IL21R: variants seen among roughly 807,000 people sequenced by gnomAD.
The protein encoded by IL21R is interleukin-21 receptor.
IL21R carries 14 observed loss-of-function variants against 41.3 expected under a neutral mutation model. The observed-to-expected ratio is 0.34, with a 90% CI of 0.22 to 0.53. The LOEUF is 0.53. IL21R is among the 20% of genes least tolerant of loss of function. The probability of loss-of-function intolerance (pLI) is 0.94; values close to 1 mark genes in which losing one functional copy is unlikely to be tolerated. For missense variants in IL21R, 588 were observed against 681.6 expected (o/e 0.86, Z 1.53); for synonymous variants, 286 against 287.6 (o/e 0.99, Z 0.05).
At chr16:27,406,271 C>T (rs2141254893) in intron 1 of IL21R, among the ~76,000 whole-genome samples, 1 of 152,336 alleles carries the variant, frequency 6.6e-6, no homozygotes, top group East Asian at 1.9e-4. Flanking sequence ...AGCGGCCCCT[C>T]CTGGGCTGGA....
intron 1 of IL21R, among the ~76,000 whole-genome samples, chr16:27,420,642 A>G (rs1256344145): frequency 6.6e-6 from 1 of 152,162 alleles, no homozygotes; most frequent in Non-Finnish European, 1.5e-5. Flanking sequence ...TGCCCATTTT[A>G]AATTTTAATT....
intron 4 of IL21R, among the ~76,000 whole-genome samples, chr16:27,440,491 T>C (rs2087370124): frequency 6.6e-6 from 1 of 152,056 alleles, no homozygotes; most frequent in South Asian, 2.1e-4. Flanking sequence ...CAGGCTGGTC[T>C]TGAACACCTG....
At chr16:27,418,517 C>T (rs746876157) in intron 1 of IL21R, among the ~76,000 whole-genome samples, 10 of 151,888 alleles carry the variant, frequency 6.6e-5, no homozygotes, top group Non-Finnish European at 1.0e-4. Flanking sequence ...TACAGGTGCG[C>T]GCCACCACGC....
At position 27,443,058 on chromosome 16, in the gene IL21R, T is replaced by A. The variant is rs1488870069; in HGVS notation, c.449T>A (p.Leu150Gln). 6.2e-7 allele frequency: 1 copy of A among 1,614,030 alleles called. No individual in the cohort carries two copies. Residue 150 changes from leucine (L) to glutamine (Q), a missense_variant, in exon 5 of 9, where the codon CTG becomes CAG. Leu to Gln is a moderately radical substitution (Grantham distance 113). Coordinates refer to ENST00000337929, the MANE Select transcript of IL21R (RefSeq NM_181078.3). ...SDYEDPAFYM[L>Q]KGKLQYELQY... ...TACGAAGACCCTGCCTTCTACATGC[T>A]GAAGGGCAAGCTTCAGTATGAGCTG...
chr16:27,435,051 C>T lies in IL21R; in HGVS notation c.152+602C>T, dbSNP rs767555046. ...GCCAAGGAAGGAGGATCACTTGAGC[C>T]CAGGAGTTTGAGACCAGCCTGGGCA... On this transcript the variant is annotated intron_variant, in intron 3 of 8. Transcript: ENST00000337929. 9.1e-4 allele frequency among the ~76,000 whole-genome samples: 138 copies of T among 152,176 alleles called. 2 individuals carry two copies. The highest frequency in any genetic ancestry group is 2.1e-4 in the Non-Finnish European group (14 of 67,998).
chr16:27,450,972 G>C lies in IL21R; in HGVS notation c.*1689G>C, dbSNP rs746501114. On this transcript the variant is annotated 3_prime_UTR_variant, in exon 9 of 9. Transcript: ENST00000337929. ...GGTTGGGAGAGGTAGCTGAGAGAATGCATGAGAGTCCTCGGTGCCTGGCAG... is the reference window on the plus strand; with the variant it reads ...GGTTGGGAGAGGTAGCTGAGAGAATCCATGAGAGTCCTCGGTGCCTGGCAG... The C allele has an allele frequency of 8.6e-6, 2 of 231,754 alleles. No homozygotes were observed. The highest frequency in any genetic ancestry group is 1.7e-5 in the Non-Finnish European group (2 of 118,312). The allele number at this position is 231,754 out of a possible 1,614,324, so 14.4% of individuals were successfully genotyped here.
chr16:27,402,853 G>T (rs1347401721), intron 1 of IL21R, among the ~76,000 whole-genome samples: 1 of 152,136 alleles, frequency 6.6e-6, no homozygotes, highest in South Asian at 2.1e-4. Context: ...TGGCTGAGAC[G>T]ACCCTCTATC....
intron 4 of IL21R, among the ~76,000 whole-genome samples, chr16:27,440,282 G>C (rs558791923): frequency 8.3e-6 from 1 of 120,320 alleles, no homozygotes; most frequent in African/African-American, 3.8e-5. Flanking sequence ...GAGAGAGAGC[G>C]AGCAAGCGCG....
At chr16:27,441,112 AAAGG>A (rs934090483) in intron 4 of IL21R, among the ~76,000 whole-genome samples, 8 of 150,970 alleles carry the variant, frequency 5.3e-5, no homozygotes, top group African/African-American at 1.5e-4. Flanking sequence ...AAGGAGGGAG[AAAGG>A]AAGGAAGGAA....
intron 4 of IL21R, among the ~76,000 whole-genome samples, chr16:27,438,810 C>CA (rs1360778492): frequency 6.6e-6 from 1 of 152,208 alleles, no homozygotes; most frequent in Non-Finnish European, 1.5e-5. Flanking sequence ...ACAGAGGTTG[C>CA]AATGAGCCAA....
chr16:27,436,481 A>T (rs1039309341), intron 3 of IL21R, among the ~76,000 whole-genome samples: 7 of 152,240 alleles, frequency 4.6e-5, no homozygotes, highest in African/African-American at 1.7e-4. Flanking sequence ...CTTGGAGAGC[A>T]TTTATTCAGC....
In IL21R at chr16:27,419,816, T is replaced by TTTATTA. The variant is rs57138211; in HGVS notation, c.-16-10208_-16-10203dup. ...GTAAATACATACACCAGTAACATAG[T>TTTATTA]TTATTATTATTATTATTATTATTAT... On this transcript the variant is annotated intron_variant, in intron 1 of 8. Coordinates refer to ENST00000337929, the MANE Select transcript of IL21R (RefSeq NM_181078.3). Among the ~76,000 whole-genome samples the TTTATTA allele has an allele frequency of 8.3e-3, 1,232 of 148,050 alleles. 10 individuals are homozygous for TTTATTA. Among genetic ancestry groups the TTTATTA allele is most frequent in the African/African-American group, 0.024 (962 of 40,094 alleles).
intron 2 of IL21R, among the ~76,000 whole-genome samples, chr16:27,432,683 G>A (rs1390562003): frequency 2.0e-5 from 3 of 152,172 alleles, no homozygotes; most frequent in African/African-American, 4.8e-5. Flanking sequence ...AATCAGTCCT[G>A]TTTTCTCCAC....
intron 1 of IL21R, among the ~76,000 whole-genome samples, chr16:27,428,297 G>A (rs1472599149): frequency 6.6e-6 from 1 of 152,180 alleles, no homozygotes; most frequent in Non-Finnish European, 1.5e-5. Context: ...AACCTTCCTG[G>A]CCCCCCAGCC....
chr16:27,451,544 A>AC lies in IL21R; in HGVS notation c.*2262dup. On this transcript the variant is annotated 3_prime_UTR_variant, in exon 9 of 9. Coordinates refer to ENST00000337929, the MANE Select transcript of IL21R (RefSeq NM_181078.3). ...GGCAACATAGCAAGGCCCCATCTCT[A>AC]CAAAAATTATTATTTTTTAAAAAAA... 1 of 207,324 alleles carries AC rather than the reference A, an allele frequency of 4.8e-6. No homozygotes were observed. Among genetic ancestry groups the AC allele is most frequent in the Non-Finnish European group, 9.8e-6 (1 of 101,586 alleles). 12.8% of individuals were successfully genotyped at this position (207,324 alleles called of 1,614,324 possible). A position where few individuals can be genotyped will look rare whatever the true frequency, so the allele number is the denominator to read the frequency against.
intron 2 of IL21R, 65 bp from the exon 3 acceptor site, chr16:27,434,282 G>A (rs2087226236): frequency 9.8e-7 from 1 of 1,019,264 alleles, no homozygotes; most frequent in Non-Finnish European, 1.5e-6. Flanking sequence ...TCGAGGGGAT[G>A]GAGAGGAAGC....
At chr16:27,418,204 G>A (rs1182105049) in intron 1 of IL21R, among the ~76,000 whole-genome samples, 1 of 151,092 alleles carries the variant, frequency 6.6e-6, no homozygotes, top group Non-Finnish European at 1.5e-5. Context: ...CAAGTAGCTG[G>A]GACTACAGGC....
intron 1 of IL21R, among the ~76,000 whole-genome samples, chr16:27,411,743 T>C (rs372853578): frequency 3.2e-4 from 48 of 152,170 alleles, no homozygotes; most frequent in Middle Eastern, 3.4e-3. Context: ...GGATTACAGG[T>C]GTGAGCCACC....
At chr16:27,406,003 G>A (rs1481516895) in intron 1 of IL21R, among the ~76,000 whole-genome samples, 1 of 152,264 alleles carries the variant, frequency 6.6e-6, no homozygotes, top group Non-Finnish European at 1.5e-5. Flanking sequence ...CCTAGCCCAG[G>A]CCCCTGCCAT....
Sources: allele counts gnomAD v4.1 joint callset (sites outside exome capture counted in the v4.1 genomes callset), GRCh38; gene constraint gnomAD v4.1.1; transcripts MANE v1.5; gene names NCBI Gene and HGNC (gene_info 2026-07-23, HGNC 2026-07-21).